CCDC39: variants seen among roughly 807,000 people sequenced by gnomAD.
The protein encoded by CCDC39 is coiled-coil domain 39 molecular ruler complex subunit, also known as coiled-coil domain-containing protein 39.
CCDC39 carries 113 observed loss-of-function variants against 121.0 expected under a neutral mutation model. The ratio of observed to expected loss-of-function variants is 0.93; its 90% CI spans 0.80 to 1.09. The LOEUF (loss-of-function observed/expected upper bound fraction) is 1.09, where lower values mean the gene tolerates loss of function less well. Among genes scored for constraint, CCDC39 ranks in the 50% least tolerant of loss-of-function variants. The pLI is 0.00. For missense variants in CCDC39, 1,063 were observed against 1,074.7 expected (o/e 0.99, Z 0.15); for synonymous variants, 349 against 352.2 (o/e 0.99, Z 0.10).
Position 180,679,365 on chromosome 3 carries a change from G to A in CCDC39, c.16C>T (p.Leu6=), listed in dbSNP as rs1712328688. 6 of 1,613,764 alleles carry A rather than the reference G, an allele frequency of 3.7e-6. No homozygotes were observed. The highest frequency in any genetic ancestry group is 1.1e-5 in the South Asian group (1 of 91,080). ...CCATCCTCCCAGTGCAGCTCAGCCAGGAATTCGCTACTCATGACTGCAAAC... is the reference window on the plus strand; with the variant it reads ...CCATCCTCCCAGTGCAGCTCAGCCAAGAATTCGCTACTCATGACTGCAAAC... MSSEF[L]AELHWEDGFA... The change falls in exon 1 of 20, where the codon CTG becomes TTG. Residue 6 remains leucine (L), a synonymous_variant. Transcript: ENST00000476379. This position sits in a 1 kb window ranked among gnomAD's most constrained non-coding sequence, Gnocchi z 4.0.
chr3:180,631,608 A>C lies in CCDC39; in HGVS notation c.1875-16T>G. On this transcript the variant is annotated splice_polypyrimidine_tract_variant and intron_variant, in intron 13 of 19. Coordinates refer to ENST00000476379, the MANE Select transcript of CCDC39 (RefSeq NM_181426.2). The stretch of plus-strand genomic sequence containing the variant: ...AAACTCAGTGCTAATAAGAAAAAGA[A>C]ACACTGAGAAATGAATAACATACTT... 1 of 1,591,770 alleles carries C rather than the reference A, an allele frequency of 6.3e-7. No homozygotes were observed. The highest frequency in any genetic ancestry group is 8.5e-7 in the Non-Finnish European group (1 of 1,172,542).
intron 1 of CCDC39, among the ~76,000 whole-genome samples, chr3:180,667,275 C>T (rs4490360): frequency 0.022 from 3,338 of 152,194 alleles, 123 homozygotes; most frequent in African/African-American, 0.076. Context: ...TATGGAGACA[C>T]AAGAAACTAT....
At chr3:180,659,948 G>T (rs1001519980) in intron 4 of CCDC39, among the ~76,000 whole-genome samples, 179 bp from the exon 5 acceptor site, 13 of 151,848 alleles carry the variant, frequency 8.6e-5, no homozygotes, top group African/African-American at 3.1e-4. Flanking sequence ...TAATGTGTTT[G>T]CATATAGCTG....
chr3:180,633,253 A>G (rs1178929051), intron 13 of CCDC39, among the ~76,000 whole-genome samples: 1 of 152,244 alleles, frequency 6.6e-6, no homozygotes, highest in Non-Finnish European at 1.5e-5. Context: ...CCGATTAATA[A>G]GCATTCATTA....
Position 180,654,862 on chromosome 3 carries a change from G to A in CCDC39, c.830C>T (p.Thr277Ile), listed in dbSNP as rs1711545165. 1.9e-6 allele frequency: 3 copies of A among 1,602,862 alleles called. No homozygotes were observed. The African/African-American group carries it at 4.0e-5, about 22-fold the overall frequency. The change falls in exon 7 of 20, where the codon ACA (threonine) becomes ATA (isoleucine). Residue 277 changes from threonine to isoleucine, a missense_variant. By Grantham distance (89) the Thr-to-Ile change is moderately conservative. Coordinates refer to ENST00000476379, the MANE Select transcript of CCDC39 (RefSeq NM_181426.2). ...CACAGAAATTCTTTTCTCAAACTCT[G>A]TGTTATTCCCAATCTCACTTTCCAA... is the stretch of plus-strand genomic sequence containing the variant. ...KFLESEIGNN[T>I]EFEKRISVAD... is the part of the protein sequence containing the mutation.
rs111500726 is a variant in CCDC39 at position 180,651,103 on chromosome 3, G to C, written c.1167+298C>G. Among the ~76,000 whole-genome samples, 322 of 152,140 alleles carry C rather than the reference G, an allele frequency of 2.1e-3. 1 individual carries two copies. Among genetic ancestry groups the C allele is most frequent in the African/African-American group, 7.5e-3 (312 of 41,474 alleles). On this transcript the variant is annotated intron_variant, in intron 9 of 19. Transcript: ENST00000476379. ...CCAACTACTCGGGAGGCTGAGGCAG[G>C]AGAATCGCTTGAACTTGGGAGGCGG...
At chr3:180,616,254 C>T in intron 19 of CCDC39, 27 bp downstream of exon 19, 5 of 1,604,794 alleles carry the variant, frequency 3.1e-6, no homozygotes, top group Non-Finnish European at 4.3e-6. Context: ...GAGAGTTAAG[C>T]AGATTTTTTT....
intron 6 of CCDC39, 144 bp downstream of exon 6, chr3:180,659,308 C>T (rs146210863): frequency 5.0e-6 from 5 of 991,048 alleles, no homozygotes; most frequent in Admixed American, 2.8e-5. Context: ...ATAGAGTCAG[C>T]TTTCAAAAAT....
chr3:180,651,976 G>A (rs1438598597), intron 8 of CCDC39, among the ~76,000 whole-genome samples, 187 bp downstream of exon 8: 1 of 151,866 alleles, frequency 6.6e-6, no homozygotes, highest in African/African-American at 2.4e-5. Flanking sequence ...GGCGGAGCTT[G>A]CAGTGAGCTG....
chr3:180,659,890 G>T, intron 4 of CCDC39, 121 bp from the exon 5 acceptor site: 1 of 555,076 alleles, frequency 1.8e-6, no homozygotes, highest in Non-Finnish European at 2.9e-6. Flanking sequence ...ATCTAAAACT[G>T]TGAAATAATA....
intron 1 of CCDC39, among the ~76,000 whole-genome samples, chr3:180,666,994 AAAT>A (rs762142700): frequency 2.8e-4 from 43 of 152,326 alleles, no homozygotes; most frequent in Non-Finnish European, 5.1e-4. Flanking sequence ...ATAGTTGCCG[AAAT>A]AAAACATGCA....
intron 14 of CCDC39, among the ~76,000 whole-genome samples, chr3:180,625,985 G>T (rs966092311): frequency 6.6e-6 from 1 of 152,078 alleles, no homozygotes; most frequent in African/African-American, 2.4e-5. Context: ...GATGTTGGTA[G>T]TGGGAATGGT....
Position 180,664,976 on chromosome 3 carries a change from G to A in CCDC39, c.91-990C>T, listed in dbSNP as rs1371179886. On this transcript the variant is annotated intron_variant, in intron 1 of 19. Transcript: ENST00000476379. ...GCCCACCTCAGCCTCCCAATGTGCT[G>A]GGATTACAGGCATGAGCCACCACAC... Among the ~76,000 whole-genome samples, 5 of 152,004 alleles carry A rather than the reference G, an allele frequency of 3.3e-5. No individual in the cohort carries two copies. The East Asian group carries it at 9.7e-4, about 29-fold the overall frequency.
intron 13 of CCDC39, among the ~76,000 whole-genome samples, chr3:180,640,128 A>G (rs551340685): frequency 8.5e-5 from 13 of 152,206 alleles, no homozygotes; most frequent in Non-Finnish European, 1.8e-4. Flanking sequence ...TGATGGATAC[A>G]TTATCTTGAT....
At chr3:180,649,852 G>A (rs560289251) in intron 9 of CCDC39, among the ~76,000 whole-genome samples, 82 of 152,312 alleles carry the variant, frequency 5.4e-4, no homozygotes, top group African/African-American at 1.7e-3. Context: ...ACAGGTTTCT[G>A]ATAAGTACTA....
intron 9 of CCDC39, among the ~76,000 whole-genome samples, chr3:180,651,192 T>A (rs1023596326): frequency 3.4e-5 from 5 of 149,194 alleles, no homozygotes; most frequent in African/African-American, 1.3e-4. Context: ...CCAGACTTCA[T>A]CACAAAAAAA....
chr3:180,643,892 T>C (rs1174726825), intron 12 of CCDC39, among the ~76,000 whole-genome samples: 1 of 152,190 alleles, frequency 6.6e-6, no homozygotes, highest in Non-Finnish European at 1.5e-5. Context: ...GAAAGAATAG[T>C]TAATGTTTTA....
chr3:180,664,221 C>T (rs1560093415), intron 1 of CCDC39, among the ~76,000 whole-genome samples: 1 of 152,152 alleles, frequency 6.6e-6, no homozygotes, highest in Non-Finnish European at 1.5e-5. Context: ...AATATGATTC[C>T]TGGTGAGGGC....
intron 1 of CCDC39, among the ~76,000 whole-genome samples, chr3:180,673,568 G>A (rs1369521964): frequency 6.6e-6 from 1 of 152,134 alleles, no homozygotes; most frequent in Non-Finnish European, 1.5e-5. Flanking sequence ...TGAAGTAAAA[G>A]TAAACATAAC....
Sources: allele counts gnomAD v4.1 joint callset (sites outside exome capture counted in the v4.1 genomes callset), GRCh38; gene constraint gnomAD v4.1.1; non-coding constraint Gnocchi (gnomAD v3.1); transcripts MANE v1.5; gene names NCBI Gene and HGNC (gene_info 2026-07-23, HGNC 2026-07-21).